The following LGR6 variants were observed in gnomAD, a reference collection of about 807,000 sequenced individuals.
LGR6 encodes leucine rich repeat containing G protein-coupled receptor 6.
LGR6 carries 45 observed loss-of-function variants against 69.4 expected under a neutral mutation model. The observed-to-expected ratio is 0.65, with a 90% CI of 0.51 to 0.83. LGR6 has a LOEUF of 0.83. Ranked by LOEUF, LGR6 falls within the 40% of genes least tolerant of loss-of-function variation. LGR6 has a pLI of 0.00. For missense variants in LGR6, 1,108 were observed against 1,246.7 expected, an observed-to-expected ratio of 0.89 and a Z score of 1.68; for synonymous variants, 538 against 555.0, an observed-to-expected ratio of 0.97 and a Z score of 0.43.
Position 202,319,379 on chromosome 1 carries a change from G to A in LGR6, c.*172G>A. 3.0e-6 allele frequency: 2 copies of A among 656,726 alleles called. No individual in the cohort carries two copies. The highest frequency in any genetic ancestry group is 3.0e-5 in the East Asian group (1 of 32,836). 40.7% of individuals were successfully genotyped at this position (656,726 alleles called of 1,614,324 possible). ...TCTCTCCTGTGACCATCACCAACGG[G>A]TGCCTCTTGGCCTGGCTTTCCCTTG... On this transcript the variant is annotated 3_prime_UTR_variant, in exon 18 of 18. Transcript: ENST00000367278.
chr1:202,269,321 G>T (rs1025494502), intron 4 of LGR6, among the ~76,000 whole-genome samples: 3 of 152,180 alleles, frequency 2.0e-5, no homozygotes, highest in Non-Finnish European at 4.4e-5. Context: ...TGGTGTGGGA[G>T]TTTGGGCAGA....
chr1:202,311,444 TAGGTC>T (rs1653714404), intron 16 of LGR6, among the ~76,000 whole-genome samples: 1 of 152,052 alleles, frequency 6.6e-6, no homozygotes, highest in South Asian at 2.1e-4. Context: ...TGGATCACTT[TAGGTC>T]AGGAGTTCGA....
At chr1:202,282,160 G>A (rs988765910) in intron 6 of LGR6, among the ~76,000 whole-genome samples, 2 of 152,180 alleles carry the variant, frequency 1.3e-5, no homozygotes, top group Non-Finnish European at 2.9e-5. Context: ...GCCCCAGCCT[G>A]GAGGCAGGAA....
chr1:202,240,889 C>G (rs903881720), intron 4 of LGR6, among the ~76,000 whole-genome samples: 3 of 152,172 alleles, frequency 2.0e-5, no homozygotes, highest in African/African-American at 7.2e-5. Context: ...ATGCCCAAGG[C>G]CAGGCTAAAG....
chr1:202,271,241 C>A lies in LGR6; in HGVS notation c.429-5065C>A, dbSNP rs777519073. 2.0e-5 allele frequency among the ~76,000 whole-genome samples: 3 copies of A among 152,228 alleles called. No homozygotes were observed. The East Asian group carries it at 5.8e-4, about 30-fold the overall frequency. ...AGTCCCAAGTGGAGGATTCTGCTGGCGGCTCGGAGACTCCTTCAGCAATCC... is the reference window on the plus strand; with the variant it reads ...AGTCCCAAGTGGAGGATTCTGCTGGAGGCTCGGAGACTCCTTCAGCAATCC... On this transcript the variant is annotated intron_variant, in intron 4 of 17. Coordinates refer to ENST00000367278, the MANE Select transcript of LGR6 (RefSeq NM_001017403.2).
At chr1:202,259,924 G>A (rs181746135) in intron 4 of LGR6, among the ~76,000 whole-genome samples, 75 of 152,266 alleles carry the variant, frequency 4.9e-4, no homozygotes, top group Middle Eastern at 6.8e-3. Flanking sequence ...ACGGTCCTGC[G>A]CTGCCTGTTG....
intron 3 of LGR6, among the ~76,000 whole-genome samples, chr1:202,232,927 C>T (rs760464483): frequency 1.3e-5 from 2 of 152,186 alleles, no homozygotes; most frequent in Non-Finnish European, 2.9e-5. Flanking sequence ...TTCCTTCCAA[C>T]CTTTATAACC....
chr1:202,269,934 G>A (rs1178459870), intron 4 of LGR6, among the ~76,000 whole-genome samples: 2 of 152,168 alleles, frequency 1.3e-5, no homozygotes, highest in Admixed American at 6.5e-5. Context: ...ATGAATATTT[G>A]ATGACATCCA....
At chr1:202,211,528 A>AT (rs34323043) in intron 1 of LGR6, among the ~76,000 whole-genome samples, 1 of 152,086 alleles carries the variant, frequency 6.6e-6, no homozygotes, top group Non-Finnish European at 1.5e-5. Context: ...CACCCGGCTA[A>AT]TTTTTATATT....
intron 1 of LGR6, among the ~76,000 whole-genome samples, chr1:202,206,547 GTTATT>G (rs1212479797): frequency 2.0e-5 from 3 of 152,100 alleles, no homozygotes; most frequent in East Asian, 1.9e-4. Context: ...GTGTGTGTGT[GTTATT>G]TTATTTTATT....
intron 1 of LGR6, among the ~76,000 whole-genome samples, chr1:202,196,124 A>T (rs1477147620): frequency 6.6e-6 from 1 of 152,022 alleles, no homozygotes; most frequent in East Asian, 1.9e-4. Flanking sequence ...AGCTATAAAG[A>T]GTATGATGGG....
Position 202,235,769 on chromosome 1 carries a change from A to G in LGR6, c.357-153A>G, listed in dbSNP as rs538711946. Among the ~76,000 whole-genome samples the G allele has an allele frequency of 8.5e-5, 13 of 152,264 alleles. No homozygotes were observed. The South Asian group carries it at 2.7e-3, about 32-fold the overall frequency. Reference sequence around the variant, plus strand: ...GCCTCTGAATCTGCACTAACAAAGCAGGGGAGCTGGACCAGACTCTCTCTG... The same window carrying G: ...GCCTCTGAATCTGCACTAACAAAGCGGGGGAGCTGGACCAGACTCTCTCTG... On this transcript the variant is annotated intron_variant, in intron 3 of 17. Coordinates refer to ENST00000367278, the MANE Select transcript of LGR6 (RefSeq NM_001017403.2).
intron 4 of LGR6, among the ~76,000 whole-genome samples, chr1:202,243,690 GACT>G: frequency 6.6e-6 from 1 of 152,176 alleles, no homozygotes; most frequent in Non-Finnish European, 1.5e-5. Flanking sequence ...GTCCAGCCAT[GACT>G]GACCTTACCA....
chr1:202,217,763 C>T (rs1419776285), intron 1 of LGR6, among the ~76,000 whole-genome samples: 1 of 152,172 alleles, frequency 6.6e-6, no homozygotes, highest in Non-Finnish European at 1.5e-5. Flanking sequence ...TCCAGGCAGT[C>T]TGGGAGACAT....
intron 1 of LGR6, chr1:202,203,961 T>C: frequency 1.1e-6 from 1 of 905,334 alleles, no homozygotes; most frequent in East Asian, 2.4e-5. Flanking sequence ...AAATACCAGG[T>C]AGTATTATGT....
intron 16 of LGR6, among the ~76,000 whole-genome samples, chr1:202,310,621 A>G (rs1033069887): frequency 1.3e-5 from 2 of 152,136 alleles, no homozygotes; most frequent in African/African-American, 2.4e-5. Flanking sequence ...AGCCCTTTGC[A>G]GTTCACAAAG....
intron 1 of LGR6, among the ~76,000 whole-genome samples, chr1:202,200,639 G>C (rs1188926171): frequency 6.6e-6 from 1 of 152,178 alleles, no homozygotes; most frequent in African/African-American, 2.4e-5. Flanking sequence ...TGACCTGGGG[G>C]CTTCTGAGAA....
Position 202,202,461 on chromosome 1 carries a change from G to A in LGR6, c.212+8260G>A, listed in dbSNP as rs1658870881. ...ATCTGGGCACACACCTGGAAGCGCT[G>A]CTATAGAAGAAAGAGTGCATGTTTG... On this transcript the variant is annotated intron_variant, in intron 1 of 17. Transcript: ENST00000367278. Among the ~76,000 whole-genome samples the A allele has an allele frequency of 2.0e-5, 3 of 152,222 alleles. No homozygotes were observed. The South Asian group carries it at 6.2e-4, about 32-fold the overall frequency.
intron 1 of LGR6, among the ~76,000 whole-genome samples, chr1:202,202,775 G>A (rs920942003): frequency 2.0e-5 from 3 of 152,202 alleles, no homozygotes; most frequent in Admixed American, 6.5e-5. Context: ...AGAGCTTGCC[G>A]AGAATGAGAC....
Sources: gnomAD v4.1 joint callset for allele counts (sites outside exome capture counted in the v4.1 genomes callset) on GRCh38, gnomAD v4.1.1 for gene constraint, MANE v1.5 for transcripts, NCBI Gene and HGNC (gene_info 2026-07-23, HGNC 2026-07-21) for gene names.